The following LRRTM4 variants were observed in gnomAD, a reference collection of about 807,000 sequenced individuals.
LRRTM4 encodes leucine-rich repeat transmembrane neuronal protein 4.
Under a neutral mutation model 47.6 loss-of-function variants are expected in LRRTM4, and 25 were observed. The ratio of observed to expected loss-of-function variants is 0.53; its 90% CI spans 0.38 to 0.73. The LOEUF is 0.73. Among genes scored for constraint, LRRTM4 ranks in the 30% least tolerant of loss-of-function variants. LRRTM4 has a pLI of 0.00. For synonymous variants in LRRTM4, 311 were observed against 269.5 expected (o/e 1.15, Z -1.51); for missense variants, 638 against 713.4 (o/e 0.89, Z 1.20).
At chr2:76,921,114 A>T (rs1300284311) in intron 3 of LRRTM4, among the ~76,000 whole-genome samples, 1 of 151,988 alleles carries the variant, frequency 6.6e-6, no homozygotes, top group East Asian at 1.9e-4. Flanking sequence ...CTTTCTGCGG[A>T]TTCTATCCAG....
chr2:76,819,961 G>T (rs1240930803), intron 3 of LRRTM4, among the ~76,000 whole-genome samples: 1 of 151,896 alleles, frequency 6.6e-6, no homozygotes, highest in East Asian at 1.9e-4. Context: ...TTCTAATAAT[G>T]CCCATCATAG....
At chr2:76,829,817 G>A (rs1671297516) in intron 3 of LRRTM4, among the ~76,000 whole-genome samples, 1 of 151,916 alleles carries the variant, frequency 6.6e-6, no homozygotes, top group Non-Finnish European at 1.5e-5. Flanking sequence ...CCTCTGCCTT[G>A]CATTTTAATT....
chr2:77,198,862 T>A (rs1302162165), intron 3 of LRRTM4, among the ~76,000 whole-genome samples: 1 of 152,180 alleles, frequency 6.6e-6, no homozygotes, highest in Admixed American at 6.6e-5. Flanking sequence ...ACATTCTTAG[T>A]GCTCATCATG....
chr2:77,384,003 T>C (rs572099377), intron 3 of LRRTM4, among the ~76,000 whole-genome samples: 1 of 152,246 alleles, frequency 6.6e-6, no homozygotes, highest in South Asian at 2.1e-4. Context: ...GACAGATACA[T>C]TTGAATAAGT....
chr2:77,355,279 T>G (rs764055946), intron 3 of LRRTM4, among the ~76,000 whole-genome samples: 5 of 152,168 alleles, frequency 3.3e-5, no homozygotes, highest in Non-Finnish European at 7.3e-5. Flanking sequence ...GTTTTTGAAA[T>G]TAAGTACAAA....
chr2:77,049,800 T>A (rs754464450), intron 3 of LRRTM4, among the ~76,000 whole-genome samples: 5 of 152,066 alleles, frequency 3.3e-5, no homozygotes, highest in Non-Finnish European at 7.4e-5. Flanking sequence ...TTTGATATAA[T>A]CCCACTCGTC....
At chr2:77,362,095 G>A (rs186766143) in intron 3 of LRRTM4, among the ~76,000 whole-genome samples, 4,513 of 91,468 alleles carry the variant, frequency 0.049, 97 homozygotes, top group Non-Finnish European at 0.062. Context: ...CTCAAAAAAG[G>A]AAAAGGAAAG....
chr2:77,282,398 A>G (rs1438801344), intron 3 of LRRTM4, among the ~76,000 whole-genome samples: 2 of 151,708 alleles, frequency 1.3e-5, no homozygotes, highest in Non-Finnish European at 2.9e-5. Context: ...AGATAGTTTG[A>G]CTTATTCTTT....
chr2:76,914,829 A>G (rs1364699089), intron 3 of LRRTM4, among the ~76,000 whole-genome samples: 2 of 152,172 alleles, frequency 1.3e-5, no homozygotes. Context: ...CTTCTCTATT[A>G]TAGTCTGGCT....
intron 3 of LRRTM4, among the ~76,000 whole-genome samples, chr2:77,433,391 G>T (rs1157225805): frequency 3.3e-5 from 5 of 152,066 alleles, no homozygotes; most frequent in Non-Finnish European, 7.4e-5. Flanking sequence ...AAGTGGGAAA[G>T]GTCAAACAGA....
chr2:77,222,438 A>G (rs1363867048), intron 3 of LRRTM4, among the ~76,000 whole-genome samples: 1 of 152,198 alleles, frequency 6.6e-6, no homozygotes, highest in East Asian at 1.9e-4. Flanking sequence ...TGAAAAGATC[A>G]ACAAAATTGA....
At chr2:77,003,043 T>C (rs957598404) in intron 3 of LRRTM4, among the ~76,000 whole-genome samples, 3 of 152,258 alleles carry the variant, frequency 2.0e-5, no homozygotes, top group African/African-American at 7.2e-5. Flanking sequence ...TATAGCCATA[T>C]AGTGGGTACT....
At chr2:77,484,138 G>T (rs939465194) in intron 3 of LRRTM4, among the ~76,000 whole-genome samples, 1 of 152,146 alleles carries the variant, frequency 6.6e-6, no homozygotes, top group African/African-American at 2.4e-5. Flanking sequence ...CACAATACTG[G>T]TCAATAAACA....
Position 77,519,187 on chromosome 2 carries a change from G to A in LRRTM4, c.682C>T (p.Leu228Phe). 1 of 1,613,332 alleles carries A rather than the reference G, an allele frequency of 6.2e-7. No individual in the cohort carries two copies. The highest frequency in any genetic ancestry group is 1.3e-5 in the African/African-American group (1 of 75,004). Residue 228 changes from leucine (L) to phenylalanine (F), a missense_variant, in exon 3 of 4, where the codon CTC (leucine) becomes TTC (phenylalanine). Leu to Phe is a conservative substitution (Grantham distance 22). Transcript: ENST00000409884. The surrounding 1 kb of genome is among the most constrained non-coding windows in gnomAD (Gnocchi z 4.6). ...AAGTAAATTGAGCGGAGGTTGAAGA[G>A]ACGTGGAAAATGAGCAAAGTTGATC... ...SKINFAHFPRLFNLRSIYLQW... is the reference protein window; with the variant it reads ...SKINFAHFPRFFNLRSIYLQW...
intron 3 of LRRTM4, among the ~76,000 whole-genome samples, chr2:77,260,902 A>G (rs1345831281): frequency 6.6e-6 from 1 of 152,178 alleles, no homozygotes; most frequent in Non-Finnish European, 1.5e-5. Flanking sequence ...GAGATGAACC[A>G]TAGGATAACT....
At chr2:76,962,379 C>A (rs1373656478) in intron 3 of LRRTM4, among the ~76,000 whole-genome samples, 2 of 151,008 alleles carry the variant, frequency 1.3e-5, no homozygotes, top group Non-Finnish European at 3.0e-5. Flanking sequence ...CATTACCTTC[C>A]ACCTCCCTTT....
intron 3 of LRRTM4, among the ~76,000 whole-genome samples, chr2:76,755,063 A>G (rs1330992306): frequency 6.6e-6 from 1 of 152,112 alleles, no homozygotes; most frequent in Non-Finnish European, 1.5e-5. Flanking sequence ...ATACAGTAAA[A>G]CCAGTAGAGC....
chr2:76,928,973 A>G (rs1674678790), intron 3 of LRRTM4, among the ~76,000 whole-genome samples: 1 of 152,142 alleles, frequency 6.6e-6, no homozygotes. Flanking sequence ...TCACTTTCAG[A>G]GTGACTTAGA....
At chr2:76,936,172 AG>A (rs1674938673) in intron 3 of LRRTM4, among the ~76,000 whole-genome samples, 2 of 152,184 alleles carry the variant, frequency 1.3e-5, no homozygotes, top group Admixed American at 1.3e-4. Context: ...ACAATAGCAA[AG>A]ACTTGGAACC....
Sources: allele counts gnomAD v4.1 joint callset (sites outside exome capture counted in the v4.1 genomes callset), GRCh38; gene constraint gnomAD v4.1.1; non-coding constraint Gnocchi (gnomAD v3.1); transcripts MANE v1.5; gene names NCBI Gene and HGNC (gene_info 2026-07-23, HGNC 2026-07-21).